Variants in NTAN1 observed in about 807,000 individuals in gnomAD.
NTAN1 encodes protein N-terminal asparagine amidohydrolase.
Under a neutral mutation model 41.9 loss-of-function variants are expected in NTAN1, and 32 were observed. The ratio of observed to expected loss-of-function variants is 0.76; its 90% confidence interval spans 0.58 to 1.03. The LOEUF is 1.03. Ranked by LOEUF, NTAN1 falls within the 50% of genes least tolerant of loss-of-function variation. The pLI is 0.00. For synonymous variants in NTAN1, 140 were observed against 139.5 expected, an observed-to-expected ratio of 1.00 and a Z score of -0.03; for missense variants, 377 against 377.5, an observed-to-expected ratio of 1.00 and a Z score of 0.01.
chr16:15,047,967 T>G (rs770420516), intron 2 of NTAN1, 30 bp downstream of exon 2: 1 of 1,601,208 alleles, frequency 6.2e-7, no homozygotes, highest in African/African-American at 1.3e-5. Flanking sequence ...CCTTTTGGGA[T>G]AACGCCCAAT....
At chr16:15,054,049 T>G (rs967897102) in intron 1 of NTAN1, among the ~76,000 whole-genome samples, 1 of 152,188 alleles carries the variant, frequency 6.6e-6, no homozygotes, top group Non-Finnish European at 1.5e-5. Context: ...AAGGTTACTT[T>G]CCATGCTTCC....
intron 3 of NTAN1, 100 bp downstream of exon 3, chr16:15,047,755 C>T (rs566054881): frequency 3.1e-5 from 33 of 1,081,902 alleles, no homozygotes; most frequent in Admixed American, 1.2e-4. Flanking sequence ...AAGCGGAGTC[C>T]GCTTCCAACA....
chr16:15,046,371 CAA>C (rs1189711653), intron 4 of NTAN1, among the ~76,000 whole-genome samples: 1 of 152,178 alleles, frequency 6.6e-6, no homozygotes, highest in African/African-American at 2.4e-5. Context: ...CAGGTCTCCA[CAA>C]AGAGCAAGGA....
At chr16:15,049,007 C>T (rs1235935975) in intron 1 of NTAN1, among the ~76,000 whole-genome samples, 1 of 147,806 alleles carries the variant, frequency 6.8e-6, no homozygotes, top group Non-Finnish European at 1.5e-5. Flanking sequence ...AATCCACCCA[C>T]CCTGGCCTCC....
At chr16:15,043,261 C>T (rs2043903562) in intron 5 of NTAN1, among the ~76,000 whole-genome samples, 1 of 151,268 alleles carries the variant, frequency 6.6e-6, no homozygotes, top group African/African-American at 2.4e-5. Flanking sequence ...GTGTCGAACT[C>T]CTGACCTTAG....
At chr16:15,044,004 G>A (rs1163192025) in intron 5 of NTAN1, among the ~76,000 whole-genome samples, 1 of 152,170 alleles carries the variant, frequency 6.6e-6, no homozygotes, top group Non-Finnish European at 1.5e-5. Flanking sequence ...TATCATCAGT[G>A]TTTTAATTTT....
At chr16:15,042,959 G>A (rs2043889625) in intron 5 of NTAN1, among the ~76,000 whole-genome samples, 3 of 146,116 alleles carry the variant, frequency 2.1e-5, no homozygotes, top group African/African-American at 7.6e-5. Context: ...GGAGTGCAAT[G>A]GTGTGATCTC....
intron 1 of NTAN1, 31 bp downstream of exon 1, chr16:15,055,860 G>T: frequency 8.6e-6 from 10 of 1,164,076 alleles, no homozygotes; most frequent in East Asian, 3.2e-5. Flanking sequence ...CCTCGGGCCC[G>T]CCCCGAAGCC....
chr16:15,048,109 T>TAAAAA lies in NTAN1; in HGVS notation c.82-15_82-11dup. ...GAAGTCTGGCTCTTTCCTGTTTAATTAAAAAAAAAATAAAATAGTGATGTA... is the reference window on the plus strand; with the variant it reads ...GAAGTCTGGCTCTTTCCTGTTTAATTAAAAAAAAAAAAAAATAAAATAGTGATGTA... On this transcript the variant is annotated splice_polypyrimidine_tract_variant and intron_variant, in intron 1 of 9. Coordinates refer to ENST00000287706, the MANE Select transcript of NTAN1 (RefSeq NM_173474.4). 1.4e-6 allele frequency: 2 copies of TAAAAA among 1,432,984 alleles called. No homozygotes were observed. The highest frequency in any genetic ancestry group is 1.9e-6 in the Non-Finnish European group (2 of 1,051,264). The allele number at this position is 1,432,984 out of a possible 1,614,324, so 88.8% of individuals were successfully genotyped here.
chr16:15,048,587 C>T (rs1219170900), intron 1 of NTAN1, among the ~76,000 whole-genome samples: 1 of 152,002 alleles, frequency 6.6e-6, no homozygotes, highest in Non-Finnish European at 1.5e-5. Flanking sequence ...AATCAGATTA[C>T]ACAGGAATAG....
intron 4 of NTAN1, chr16:15,045,047 C>G (rs2043988185): frequency 6.6e-6 from 1 of 151,586 alleles, no homozygotes; most frequent in African/African-American, 2.4e-5. Flanking sequence ...CTGCTTGACC[C>G]TGGGAGGCAG....
intron 8 of NTAN1, 142 bp from the exon 9 acceptor site, chr16:15,038,829 G>A (rs2043671714): frequency 3.4e-6 from 2 of 582,414 alleles, no homozygotes; most frequent in Non-Finnish European, 6.0e-6. Context: ...AACAAAAGCT[G>A]CCAGCTACTG....
chr16:15,055,771 G>A, intron 1 of NTAN1, 120 bp downstream of exon 1: 1 of 495,478 alleles, frequency 2.0e-6, no homozygotes, highest in East Asian at 3.7e-5. Flanking sequence ...GCCGACGGCC[G>A]GGGCTCCGGA....
At chr16:15,046,505 G>A (rs1006125004) in intron 4 of NTAN1, among the ~76,000 whole-genome samples, 15 of 152,184 alleles carry the variant, frequency 9.9e-5, no homozygotes, top group African/African-American at 2.6e-4. Context: ...TGGAGGCAGC[G>A]GCTACTTTAC....
In NTAN1 at chr16:15,049,075, G is replaced by C. The variant is rs57316055; in HGVS notation, c.82-976C>G. ...CACCTGGCTGAGTTTTATACTTTTT[G>C]TAGCGACGGGGTCTCCCTATGCTCC... On this transcript the variant is annotated intron_variant, in intron 1 of 9. Transcript: ENST00000287706. 2.8e-3 allele frequency among the ~76,000 whole-genome samples: 416 copies of C among 146,252 alleles called. 2 individuals carry two copies. Among genetic ancestry groups the C allele is most frequent in the African/African-American group, 0.01 (397 of 38,724 alleles).
At chr16:15,047,349 C>A in intron 4 of NTAN1, 93 bp downstream of exon 4, 2 of 825,028 alleles carry the variant, frequency 2.4e-6, no homozygotes, top group Non-Finnish European at 2.1e-6. Flanking sequence ...GCAGTGGTGG[C>A]ATCCTGTGTT....
At chr16:15,038,826 G>C (rs1031610311) in intron 8 of NTAN1, 139 bp from the exon 9 acceptor site, 5 of 583,156 alleles carry the variant, frequency 8.6e-6, no homozygotes, top group Non-Finnish European at 1.2e-5. Flanking sequence ...AATAACAAAA[G>C]CTGCCAGCTA....
At chr16:15,042,718 C>CTAATTTATTTATTTATT (rs2043871657) in intron 5 of NTAN1, among the ~76,000 whole-genome samples, 1 of 147,004 alleles carries the variant, frequency 6.8e-6, no homozygotes, top group East Asian at 2.0e-4. Flanking sequence ...AAAGGATGAA[C>CTAATTTATTTATTTATT]TATTTATTTA....
In NTAN1 at chr16:15,041,742, G is replaced by C. The variant is rs559686951; in HGVS notation, c.434-66C>G. The C allele has an allele frequency of 4.2e-6, 5 of 1,178,962 alleles. No homozygotes were observed. The Admixed American group carries it at 8.4e-5, about 20-fold the overall frequency. 73.0% of individuals were successfully genotyped at this position (1,178,962 alleles called of 1,614,324 possible). A position where few individuals can be genotyped will look rare whatever the true frequency, so the allele number is the denominator to read the frequency against. Reference sequence around the variant, plus strand: ...TCTAGTTACCAGAACAAACTGCTGAGCAAGCCAACGACAGGGAGGGACGGC... The same window carrying C: ...TCTAGTTACCAGAACAAACTGCTGACCAAGCCAACGACAGGGAGGGACGGC... On this transcript the variant is annotated intron_variant, in intron 5 of 9. Transcript: ENST00000287706.
Sources: allele counts gnomAD v4.1 joint callset (sites outside exome capture counted in the v4.1 genomes callset), GRCh38; gene constraint gnomAD v4.1.1; transcripts MANE v1.5; gene names NCBI Gene and HGNC (gene_info 2026-07-23, HGNC 2026-07-21).